The following MTHFD1L variants were observed in gnomAD, a reference collection of about 807,000 sequenced individuals.
The protein encoded by MTHFD1L is methylenetetrahydrofolate dehydrogenase (NADP+ dependent) 1 like, also known as monofunctional C1-tetrahydrofolate synthase, mitochondrial.
Under a neutral mutation model 119.5 loss-of-function variants are expected in MTHFD1L, and 81 were observed. The observed-to-expected ratio is 0.68, with a 90% CI of 0.57 to 0.82. The LOEUF (loss-of-function observed/expected upper bound fraction) is 0.82, where lower values mean the gene tolerates loss of function less well. MTHFD1L is among the 40% of genes least tolerant of loss of function. The pLI, the probability that MTHFD1L is intolerant of heterozygous loss-of-function variation, is 0.00. For synonymous variants in MTHFD1L, 430 were observed against 475.2 expected, an observed-to-expected ratio of 0.90 and a Z score of 1.24; for missense variants, 1,125 against 1,253.4, an observed-to-expected ratio of 0.90 and a Z score of 1.55.
At chr6:150,891,629 G>A (rs975585862) in intron 7 of MTHFD1L, among the ~76,000 whole-genome samples, 17 of 150,950 alleles carry the variant, frequency 1.1e-4, no homozygotes, top group African/African-American at 3.9e-4. Context: ...TGCAAACTAC[G>A]AACCAAATCC....
chr6:150,866,438 A>C, intron 1 of MTHFD1L: 2 of 1,336,544 alleles, frequency 1.5e-6, no homozygotes, highest in Non-Finnish European at 1.9e-6. Context: ...GGCGAGGAGC[A>C]GGAGGAGGGC....
At chr6:150,874,196 A>G (rs1000223515) in intron 1 of MTHFD1L, among the ~76,000 whole-genome samples, 3 of 152,186 alleles carry the variant, frequency 2.0e-5, no homozygotes, top group African/African-American at 7.2e-5. Context: ...ACTTTCCCAT[A>G]TGGTCACATT....
At chr6:150,918,048 T>C (rs953551733) in intron 8 of MTHFD1L, among the ~76,000 whole-genome samples, 2 of 151,402 alleles carry the variant, frequency 1.3e-5, no homozygotes, top group African/African-American at 2.4e-5. Flanking sequence ...TATCCCAGGT[T>C]AATAGCTTAG....
chr6:150,989,044 A>G (rs1778715271), intron 20 of MTHFD1L, among the ~76,000 whole-genome samples: 1 of 152,206 alleles, frequency 6.6e-6, no homozygotes, highest in African/African-American at 2.4e-5. Context: ...CTGGCCTATT[A>G]GGGATCTCTA....
chr6:150,920,765 C>CTATTTATT (rs546535594), intron 9 of MTHFD1L, among the ~76,000 whole-genome samples: 7 of 151,210 alleles, frequency 4.6e-5, no homozygotes, highest in African/African-American at 1.5e-4. Context: ...AACACTTAAT[C>CTATTTATT]TATTTATTTA....
At chr6:150,984,776 G>A (rs1319042710) in intron 20 of MTHFD1L, among the ~76,000 whole-genome samples, 1 of 152,090 alleles carries the variant, frequency 6.6e-6, no homozygotes, top group African/African-American at 2.4e-5. Flanking sequence ...CTTACAATCT[G>A]TCTTTCAAAG....
chr6:150,943,454 G>T (rs1454501536), intron 13 of MTHFD1L, among the ~76,000 whole-genome samples: 1 of 151,654 alleles, frequency 6.6e-6, no homozygotes, highest in Non-Finnish European at 1.5e-5. Flanking sequence ...AACATAGTGA[G>T]ACTGTGTCTC....
intron 24 of MTHFD1L, among the ~76,000 whole-genome samples, chr6:151,028,186 G>A (rs974545153): frequency 3.3e-5 from 5 of 152,110 alleles, no homozygotes; most frequent in African/African-American, 4.8e-5. Context: ...GTGGGTGGTC[G>A]CGCTTGTCCT....
rs142879620 is a variant in MTHFD1L, at chr6:150,955,495, G to GT, written c.1727-477dup. 3.0e-3 allele frequency among the ~76,000 whole-genome samples: 347 copies of GT among 117,078 alleles called. 4 individuals are homozygous for GT. Among genetic ancestry groups the GT allele is most frequent in the African/African-American group, 6.5e-3 (210 of 32,112 alleles). The allele number at this position is 117,078 out of a possible 152,430, so 76.8% of individuals were successfully genotyped here. On this transcript the variant is annotated intron_variant, in intron 16 of 27. Transcript: ENST00000367321. ...GCCAAGAAGGGAAGTTGCTGGTTGG[G>GT]TTTTTTTTTTTTTTTTTTTTTTTAG...
intron 18 of MTHFD1L, among the ~76,000 whole-genome samples, chr6:150,962,016 T>G (rs1288672859): frequency 2.6e-5 from 4 of 152,108 alleles, no homozygotes; most frequent in African/African-American, 9.7e-5. Context: ...TGAGATGGAG[T>G]TTCGCTCTTG....
intron 24 of MTHFD1L, among the ~76,000 whole-genome samples, chr6:151,027,365 C>T (rs1473491382): frequency 2.6e-5 from 4 of 152,122 alleles, no homozygotes; most frequent in South Asian, 4.1e-4. Flanking sequence ...AATGCCCTGA[C>T]GTCTTGAAAG....
intron 18 of MTHFD1L, 61 bp downstream of exon 18, chr6:150,960,476 AAAAG>A (rs1482536530): frequency 1.3e-6 from 2 of 1,525,978 alleles, no homozygotes; most frequent in Non-Finnish European, 8.8e-7. Context: ...CGTTACCAGA[AAAAG>A]AAAGGTTTTC....
chr6:150,992,563 G>A (rs926531115), intron 20 of MTHFD1L, among the ~76,000 whole-genome samples: 3 of 152,210 alleles, frequency 2.0e-5, no homozygotes, highest in African/African-American at 7.2e-5. Flanking sequence ...TCAGGGTGGG[G>A]AAGGAAATTT....
chr6:150,979,594 G>A (rs369880702), intron 20 of MTHFD1L, among the ~76,000 whole-genome samples: 20 of 152,112 alleles, frequency 1.3e-4, no homozygotes, highest in Admixed American at 1.1e-3. Context: ...TCCGCCTCCC[G>A]GGTTCAAGCG....
intron 5 of MTHFD1L, among the ~76,000 whole-genome samples, chr6:150,884,505 C>T (rs1029484042): frequency 5.4e-4 from 82 of 151,976 alleles, no homozygotes; most frequent in Non-Finnish European, 6.2e-4. Flanking sequence ...CCAGTCCTGT[C>T]GTAGACTAAC....
At chr6:151,057,814 T>A (rs1790163487) in intron 26 of MTHFD1L, among the ~76,000 whole-genome samples, 1 of 152,148 alleles carries the variant, frequency 6.6e-6, no homozygotes, top group Non-Finnish European at 1.5e-5. Flanking sequence ...AGTCTGGCTC[T>A]GTGGCCCAGG....
intron 19 of MTHFD1L, among the ~76,000 whole-genome samples, chr6:150,966,249 G>A (rs1797198480): frequency 6.6e-6 from 1 of 152,074 alleles, no homozygotes; most frequent in Non-Finnish European, 1.5e-5. Flanking sequence ...TGGCTGGGGA[G>A]GCCTCAGGAA....
rs869169480 is a variant in MTHFD1L, at chr6:150,920,939, ATTTTTTT to A, written c.985-1243_985-1237del. ...AGGCACATGCCACCACACCCAGATA[ATTTTTTT>A]TTTTTTTTTTTTTTTTTTTTTTGAG... On this transcript the variant is annotated intron_variant, in intron 9 of 27. Transcript: ENST00000367321. 3.3e-3 allele frequency among the ~76,000 whole-genome samples: 322 copies of A among 96,854 alleles called. 18 individuals carry two copies. Among genetic ancestry groups the A allele is most frequent in the African/African-American group, 0.012 (288 of 24,702 alleles). The allele number at this position is 96,854 out of a possible 152,430, so 63.5% of individuals were successfully genotyped here.
At chr6:151,095,193 G>C (rs1794800339) in intron 27 of MTHFD1L, among the ~76,000 whole-genome samples, 1 of 152,206 alleles carries the variant, frequency 6.6e-6, no homozygotes, top group African/African-American at 2.4e-5. Context: ...AGGGAGACTA[G>C]TTTAACAAAG....
Sources: allele counts gnomAD v4.1 joint callset (sites outside exome capture counted in the v4.1 genomes callset), GRCh38; gene constraint gnomAD v4.1.1; transcripts MANE v1.5; gene names NCBI Gene and HGNC (gene_info 2026-07-23, HGNC 2026-07-21).